Variants in ABLIM1 observed in about 807,000 individuals in gnomAD.
ABLIM1 encodes actin-binding LIM protein 1.
In ABLIM1, 40 loss-of-function variants were observed where a neutral mutation model predicts 107.0. The observed-to-expected ratio is 0.37, with a 90% CI of 0.29 to 0.49. The LOEUF is 0.49. Among genes scored for constraint, ABLIM1 ranks in the 20% least tolerant of loss-of-function variants. The pLI is 0.97. For synonymous variants in ABLIM1, 357 were observed against 357.3 expected (o/e 1.00, Z 0.01); for missense variants, 857 against 1,008.5 (o/e 0.85, Z 2.04).
intron 14 of ABLIM1, among the ~76,000 whole-genome samples, chr10:114,449,172 C>G (rs1308431190): frequency 6.6e-6 from 1 of 152,170 alleles, no homozygotes; most frequent in Non-Finnish European, 1.5e-5. Context: ...CAGCTTAGAG[C>G]CCCAGATCTA....
intron 1 of ABLIM1, among the ~76,000 whole-genome samples, chr10:114,647,190 G>T (rs568889605): frequency 3.3e-5 from 5 of 152,038 alleles, no homozygotes; most frequent in Admixed American, 1.3e-4. Flanking sequence ...CAGGGACAGG[G>T]TTTCACCATG....
intron 2 of ABLIM1, among the ~76,000 whole-genome samples, chr10:114,601,458 G>T (rs573747503): frequency 5.3e-5 from 8 of 152,028 alleles, no homozygotes; most frequent in African/African-American, 1.9e-4. Flanking sequence ...TAGAGACGGG[G>T]TTTCACTGTG....
At chr10:114,778,000 G>T in the ABLIM1 span, 2 of 152,208 alleles carry the variant, frequency 1.3e-5, no homozygotes, top group Non-Finnish European at 1.5e-5. Context: ...ATTCTACCTG[G>T]AAATACAAGT....
intron 1 of ABLIM1, among the ~76,000 whole-genome samples, chr10:114,730,135 C>T (rs1366015319): frequency 6.6e-6 from 1 of 152,082 alleles, no homozygotes; most frequent in Non-Finnish European, 1.5e-5. Flanking sequence ...TGGTGGCTCA[C>T]GCCTGTGATC....
At chr10:114,714,667 GATAC>G (rs2081621894) in intron 1 of ABLIM1, among the ~76,000 whole-genome samples, 1 of 152,146 alleles carries the variant, frequency 6.6e-6, no homozygotes, top group Non-Finnish European at 1.5e-5. Context: ...ACCTTGGGAT[GATAC>G]ATACACTCAG....
chr10:114,501,923 G>A (rs1311524307), intron 6 of ABLIM1: 1 of 152,178 alleles, frequency 6.6e-6, no homozygotes, highest in East Asian at 1.9e-4. Flanking sequence ...ATAGTGACAT[G>A]TATCCATCAT....
intron 1 of ABLIM1, chr10:114,768,020 C>T (rs1458701269): frequency 4.7e-6 from 2 of 427,928 alleles, no homozygotes; most frequent in East Asian, 9.3e-5. Context: ...CTGTTCGGCC[C>T]GCCGGGGTCA....
the ABLIM1 span, among the ~76,000 whole-genome samples, chr10:114,782,788 T>C: frequency 6.6e-6 from 1 of 152,090 alleles, no homozygotes; most frequent in Non-Finnish European, 1.5e-5. Context: ...CAAAATGTGA[T>C]GGGAATAAAG....
chr10:114,681,530 C>A (rs1366156038), intron 1 of ABLIM1, among the ~76,000 whole-genome samples: 1 of 152,178 alleles, frequency 6.6e-6, no homozygotes. Context: ...GGATGTGCTT[C>A]CCACAAAATA....
intron 6 of ABLIM1, among the ~76,000 whole-genome samples, chr10:114,527,839 A>AG (rs2065008727): frequency 2.3e-5 from 2 of 85,792 alleles, no homozygotes; most frequent in African/African-American, 1.1e-4. Context: ...TAATTTTTAA[A>AG]GTTTTTTTTT....
intron 1 of ABLIM1, among the ~76,000 whole-genome samples, chr10:114,664,470 G>A (rs2079928905): frequency 6.6e-6 from 1 of 151,978 alleles, no homozygotes; most frequent in Admixed American, 6.6e-5. Context: ...AGAGTTTGGG[G>A]ATATGGTTAA....
the ABLIM1 span, among the ~76,000 whole-genome samples, chr10:114,773,165 GA>G: frequency 6.6e-6 from 1 of 151,968 alleles, no homozygotes; most frequent in African/African-American, 2.4e-5. Context: ...ACATTTGAAG[GA>G]AAAACAACTA....
At chr10:114,512,266 A>C (rs2061991720) in intron 6 of ABLIM1, among the ~76,000 whole-genome samples, 1 of 152,242 alleles carries the variant, frequency 6.6e-6, no homozygotes, top group Non-Finnish European at 1.5e-5. Context: ...ATCCAATGCA[A>C]TGTGCACTCA....
intron 6 of ABLIM1, among the ~76,000 whole-genome samples, chr10:114,539,790 C>G (rs551281185): frequency 2.6e-5 from 4 of 152,046 alleles, no homozygotes; most frequent in Non-Finnish European, 4.4e-5. Context: ...AAGAGATGCC[C>G]CACTCCCCCA....
intron 4 of ABLIM1, among the ~76,000 whole-genome samples, chr10:114,567,929 G>C (rs533331039): frequency 6.6e-6 from 1 of 152,024 alleles, no homozygotes; most frequent in Non-Finnish European, 1.5e-5. Flanking sequence ...GGTGGCTCAC[G>C]CCTGTAATCC....
At chr10:114,516,307 T>C (rs2062801702) in intron 6 of ABLIM1, among the ~76,000 whole-genome samples, 1 of 152,162 alleles carries the variant, frequency 6.6e-6, no homozygotes. Context: ...GCAGATCACT[T>C]GAGGCCAGGA....
chr10:114,563,853 A>C (rs1288065229), intron 4 of ABLIM1, among the ~76,000 whole-genome samples: 4 of 148,610 alleles, frequency 2.7e-5, no homozygotes, highest in African/African-American at 1.0e-4. Context: ...CTCAAAAAAA[A>C]AAAAAAAAAA....
chr10:114,783,676 T>C, the ABLIM1 span, among the ~76,000 whole-genome samples: 1 of 151,882 alleles, frequency 6.6e-6, no homozygotes, highest in African/African-American at 2.4e-5. Context: ...AAGTGGTCAC[T>C]TATCTCTCTC....
At chr10:114,563,922 T>C (rs191204169) in intron 4 of ABLIM1, among the ~76,000 whole-genome samples, 2 of 145,212 alleles carry the variant, frequency 1.4e-5, no homozygotes, top group African/African-American at 5.2e-5. Context: ...GAGATGTTTG[T>C]TGAACGAGTG....
Sources: gnomAD v4.1 joint callset for allele counts (sites outside exome capture counted in the v4.1 genomes callset) on GRCh38, gnomAD v4.1.1 for gene constraint, MANE v1.5 for transcripts, NCBI Gene and HGNC (gene_info 2026-07-23, HGNC 2026-07-21) for gene names.